The following SCAP variants were observed in gnomAD, a reference collection of about 807,000 sequenced individuals.
The protein encoded by SCAP is SREBF chaperone.
Under a neutral mutation model 123.6 loss-of-function variants are expected in SCAP, and 65 were observed. That is an observed-to-expected ratio of 0.53 (90% CI 0.43 to 0.65). The LOEUF (loss-of-function observed/expected upper bound fraction) is 0.65, where lower values mean the gene tolerates loss of function less well. Ranked by LOEUF, SCAP falls within the 30% of genes least tolerant of loss-of-function variation. The pLI, the probability that SCAP is intolerant of heterozygous loss-of-function variation, is 0.00. For missense variants in SCAP, 1,398 were observed against 1,712.5 expected (o/e 0.82, Z 3.24); for synonymous variants, 740 against 726.3 (o/e 1.02, Z -0.30).
At position 47,435,044 on chromosome 3, in the gene SCAP, G is replaced by A. The variant is rs2107867435; in HGVS notation, c.216C>T (p.Asp72=). ...KDYSPPPVDS[D]RKQGEPTEQP... ...GCTCAGTAGGCTCTCCTTGTTTGCGGTCAGAGTCCACAGGTGGGGGCGAGT... is the reference window on the plus strand; with the variant it reads ...GCTCAGTAGGCTCTCCTTGTTTGCGATCAGAGTCCACAGGTGGGGGCGAGT... Residue 72 remains aspartate (D), a synonymous_variant, in exon 3 of 23, where the codon GAC becomes GAT. Coordinates refer to ENST00000265565, the MANE Select transcript of SCAP (RefSeq NM_012235.4). 1 of 1,614,174 alleles carries A rather than the reference G, an allele frequency of 6.2e-7. No homozygotes were observed. Among genetic ancestry groups the A allele is most frequent in the South Asian group, 1.1e-5 (1 of 91,082 alleles).
chr3:47,418,733 G>C lies in SCAP; in HGVS notation c.2051C>G (p.Pro684Arg), dbSNP rs966132597. 3 of 1,602,876 alleles carry C rather than the reference G, an allele frequency of 1.9e-6. No homozygotes were observed. The highest frequency in any genetic ancestry group is 2.7e-5 in the African/African-American group (2 of 74,450). The change falls in exon 14 of 23, where the codon CCC becomes CGC. Residue 684 changes from proline (P) to arginine (R), a missense_variant. Pro to Arg is a moderately radical substitution (Grantham distance 103). Around this residue, in one of 7 missense-constraint regions of SCAP, gnomAD observed 828 missense variants for 882.5 expected, o/e 0.94. Coordinates refer to ENST00000265565, the MANE Select transcript of SCAP (RefSeq NM_012235.4). ...TGCTTCCCAGTGCCCAGCAGGTATG[G>C]GCCCCGGTGGGGGCCAGGCACTGCG... The part of the protein sequence containing the change: ...DGRSAWPPPG[P>R]IPAGHWEAGP...
chr3:47,427,096 T>C (rs1047437817), intron 6 of SCAP, 61 bp downstream of exon 6: 1 of 1,184,472 alleles, frequency 8.4e-7, no homozygotes, highest in Non-Finnish European at 1.3e-6. Context: ...GAAGAGGGAC[T>C]ACTCAAAGCC....
At chr3:47,430,765 G>T (rs922273092) in intron 3 of SCAP, among the ~76,000 whole-genome samples, 1 of 152,216 alleles carries the variant, frequency 6.6e-6, no homozygotes, top group Non-Finnish European at 1.5e-5. Context: ...GCGGTGTACT[G>T]CGAGGTGTGG....
chr3:47,457,775 C>T (rs970302123), intron 1 of SCAP, among the ~76,000 whole-genome samples: 2 of 151,422 alleles, frequency 1.3e-5, no homozygotes, highest in African/African-American at 2.4e-5. Flanking sequence ...GGCCTGGTGG[C>T]GGGTGCCTGT....
intron 9 of SCAP, among the ~76,000 whole-genome samples, chr3:47,423,024 G>A (rs961299286): frequency 1.3e-5 from 2 of 152,140 alleles, no homozygotes; most frequent in Non-Finnish European, 2.9e-5. Flanking sequence ...TCACACTGTC[G>A]CATGTCTAAG....
At chr3:47,455,594 C>CA (rs544006040) in intron 1 of SCAP, among the ~76,000 whole-genome samples, 1,151 of 41,714 alleles carry the variant, frequency 0.028, 22 homozygotes, top group African/African-American at 0.058. Flanking sequence ...GACTCCACCT[C>CA]AAAAAAAAAA....
rs1295083626 is a variant in SCAP, at chr3:47,420,732, A to G, written c.1385T>C (p.Leu462Pro). ...CTGTCCCACTGGCTTGGCTGAGGGC[A>G]GGCAGGCCTCAGGGGGCAGTCGCTT... ...LNKRLPPEACLPSAKPVGQPT... is the reference protein window; with the variant it reads ...LNKRLPPEACPPSAKPVGQPT... The change falls in exon 12 of 23, where the codon CTG becomes CCG. Residue 462 changes from leucine to proline, a missense_variant. Physicochemically the swap from Leu to Pro is moderately conservative, Grantham distance 98 (BLOSUM62 -3). This residue lies in a region of SCAP where 828 missense variants were observed against 882.5 expected (regional missense o/e 0.94). Transcript: ENST00000265565. The surrounding 1 kb of genome is among the most constrained non-coding windows in gnomAD (Gnocchi z 5.0). 2 of 1,610,258 alleles carry G rather than the reference A, an allele frequency of 1.2e-6. No individual in the cohort carries two copies. Among genetic ancestry groups the G allele is most frequent in the East Asian group, 4.5e-5 (2 of 44,882 alleles).
Position 47,417,291 on chromosome 3 carries a change from C to T in SCAP, c.2970+13G>A, listed in dbSNP as rs1705628659. ...GGACAGCCGCTCTGCCCACCTTTAG[C>T]CCCTCTGCCCACCTCCAGCCGGCCG... is the stretch of plus-strand genomic sequence containing the variant. On this transcript the variant is annotated intron_variant, in intron 17 of 22. Transcript: ENST00000265565. 3.7e-6 allele frequency: 6 copies of T among 1,612,032 alleles called. No individual in the cohort carries two copies. The highest frequency in any genetic ancestry group is 5.1e-6 in the Non-Finnish European group (6 of 1,179,628).
chr3:47,433,350 G>A (rs1418841152), intron 3 of SCAP, among the ~76,000 whole-genome samples: 1 of 152,128 alleles, frequency 6.6e-6, no homozygotes, highest in African/African-American at 2.4e-5. Flanking sequence ...GGGGATGAGC[G>A]CTCCAATCAG....
At position 47,417,370 on chromosome 3, in the gene SCAP, A is replaced by G; in HGVS notation, c.2904T>C (p.Gly968=). The part of the protein sequence containing the change: ...PSLAWAPSAE[G]SIWSLELQGN... Reference sequence around the variant, plus strand: ...CCTGCAGCTCCAAGCTCCAGATGGAACCCTCGGCACTGGGGGCCCAGGCGA... The same window carrying G: ...CCTGCAGCTCCAAGCTCCAGATGGAGCCCTCGGCACTGGGGGCCCAGGCGA... The change falls in exon 17 of 23, where the codon GGT becomes GGC. Residue 968 remains glycine, a synonymous_variant. Transcript: ENST00000265565. The G allele has an allele frequency of 6.2e-7, 1 of 1,604,988 alleles. No individual in the cohort carries two copies.
chr3:47,423,839 G>C (rs1226407352), intron 9 of SCAP, 94 bp downstream of exon 9: 9 of 876,884 alleles, frequency 1.0e-5, no homozygotes, highest in Non-Finnish European at 1.7e-5. Context: ...ACATTTCAAG[G>C]GCTCTGTTTG....
At chr3:47,455,143 G>C (rs1177152881) in intron 1 of SCAP, among the ~76,000 whole-genome samples, 1 of 148,846 alleles carries the variant, frequency 6.7e-6, no homozygotes, top group Non-Finnish European at 1.5e-5. Context: ...CCATAAGGTA[G>C]TGAAAACTAA....
intron 1 of SCAP, among the ~76,000 whole-genome samples, chr3:47,447,603 G>A (rs551616921): frequency 2.0e-5 from 3 of 151,844 alleles, no homozygotes; most frequent in African/African-American, 7.2e-5. Flanking sequence ...CAGGAGAATT[G>A]CTTAAACCCG....
intron 4 of SCAP, 104 bp from the exon 5 acceptor site, chr3:47,427,771 G>A: frequency 4.9e-6 from 5 of 1,023,956 alleles, no homozygotes; most frequent in Admixed American, 4.9e-5. Flanking sequence ...CCCCATATTT[G>A]CTCTCTGGTA....
At position 47,423,151 on chromosome 3, in the gene SCAP, C is replaced by T. The variant is rs185868518; in HGVS notation, c.1151-615G>A. 1.9e-4 allele frequency among the ~76,000 whole-genome samples: 29 copies of T among 152,338 alleles called. 1 individual carries two copies. Among genetic ancestry groups the T allele is most frequent in the Admixed American group, 1.2e-3 (19 of 15,304 alleles). ...AGAGGTCTGGATGAATGGACGGCTG[C>T]CTACAGCCCCATTCCTCACAGACAT... On this transcript the variant is annotated intron_variant, in intron 9 of 22. Coordinates refer to ENST00000265565, the MANE Select transcript of SCAP (RefSeq NM_012235.4).
At chr3:47,430,387 G>A (rs776936437) in intron 3 of SCAP, among the ~76,000 whole-genome samples, 1 of 152,184 alleles carries the variant, frequency 6.6e-6, no homozygotes, top group East Asian at 1.9e-4. Flanking sequence ...GCATGTCGCG[G>A]AGCACCCCAA....
In SCAP at chr3:47,418,510, C is replaced by T; in HGVS notation, c.2142G>A (p.Leu714=). The T allele has an allele frequency of 6.3e-7, 1 of 1,594,174 alleles. No individual in the cohort carries two copies. Among genetic ancestry groups the T allele is most frequent in the Middle Eastern group, 1.7e-4 (1 of 6,038 alleles). The change falls in exon 15 of 23, where the codon CTG becomes CTA. Residue 714 remains leucine (L), a synonymous_variant. Coordinates refer to ENST00000265565, the MANE Select transcript of SCAP (RefSeq NM_012235.4). ...CCAAGACGATGCCGGTGGCCAGGCC[C>T]AGCGCCGCCACCCTGCACGGGAGGG... ...GDVTLYKVAA[L]GLATGIVLVL...
At chr3:47,425,337 GGAA>G in intron 8 of SCAP, 145 bp downstream of exon 8, 1 of 826,164 alleles carries the variant, frequency 1.2e-6, no homozygotes, top group Non-Finnish European at 1.8e-6. Context: ...ACAAAGAAGA[GGAA>G]GAAAATGTAC....
intron 1 of SCAP, among the ~76,000 whole-genome samples, chr3:47,463,916 C>T (rs954009033): frequency 6.6e-6 from 1 of 151,994 alleles, no homozygotes; most frequent in African/African-American, 2.4e-5. Context: ...TGGCTCACTG[C>T]GGTCTCAACC....
Sources: allele counts gnomAD v4.1 joint callset (sites outside exome capture counted in the v4.1 genomes callset), GRCh38; gene constraint gnomAD v4.1.1; regional missense constraint gnomAD v4.1.1; non-coding constraint Gnocchi (gnomAD v3.1); transcripts MANE v1.5; gene names NCBI Gene and HGNC (gene_info 2026-07-23, HGNC 2026-07-21).